The following ASCC1 variants were observed in gnomAD, a reference collection of about 807,000 sequenced individuals.
ASCC1 encodes activating signal cointegrator 1 complex subunit 1.
In ASCC1, 35 loss-of-function variants were observed where a neutral mutation model predicts 46.6. The ratio of observed to expected loss-of-function variants is 0.75; its 90% confidence interval spans 0.57 to 0.99. The LOEUF (loss-of-function observed/expected upper bound fraction) is 0.99, where lower values mean the gene tolerates loss of function less well. Ranked by LOEUF, ASCC1 falls within the 50% of genes least tolerant of loss-of-function variation. ASCC1 has a pLI of 0.00. For missense variants in ASCC1, 376 were observed against 428.7 expected, an observed-to-expected ratio of 0.88 and a Z score of 1.09; for synonymous variants, 143 against 146.6, an observed-to-expected ratio of 0.98 and a Z score of 0.18.
intron 7 of ASCC1, among the ~76,000 whole-genome samples, chr10:72,142,352 C>G (rs1214439819): frequency 6.6e-6 from 1 of 151,254 alleles, no homozygotes; most frequent in Non-Finnish European, 1.5e-5. Context: ...ATTGCCAAAT[C>G]CAGCAGATTT....
intron 5 of ASCC1, among the ~76,000 whole-genome samples, chr10:72,192,392 T>C (rs998262090): frequency 3.3e-5 from 5 of 149,664 alleles, no homozygotes; most frequent in Admixed American, 3.3e-4. Flanking sequence ...GAGGCGAAGG[T>C]TGCAGTGAGC....
intron 5 of ASCC1, chr10:72,190,300 A>T: frequency 1.2e-6 from 1 of 833,102 alleles, no homozygotes; most frequent in Non-Finnish European, 2.1e-6. Flanking sequence ...ATTTATATTT[A>T]GATCTATGAC....
At chr10:72,130,583 T>C (rs1015742598) in intron 8 of ASCC1, among the ~76,000 whole-genome samples, 5 of 152,170 alleles carry the variant, frequency 3.3e-5, no homozygotes, top group African/African-American at 4.8e-5. Context: ...TGATGGACCA[T>C]GACATAGTTT....
intron 8 of ASCC1, among the ~76,000 whole-genome samples, chr10:72,129,259 A>ACAAATAAATTGATAC (rs1232545035): frequency 6.6e-6 from 1 of 152,254 alleles, no homozygotes; most frequent in East Asian, 1.9e-4. Context: ...CAAAAGAACA[A>ACAAATAAATTGATAC]CAAATAAATT....
At chr10:72,164,302 T>C (rs903324688) in intron 5 of ASCC1, among the ~76,000 whole-genome samples, 1 of 152,188 alleles carries the variant, frequency 6.6e-6, no homozygotes, top group African/African-American at 2.4e-5. Flanking sequence ...TCTTTCTCCA[T>C]GCCCCATCCC....
chr10:72,111,250 G>A (rs1470610237), intron 9 of ASCC1, among the ~76,000 whole-genome samples: 1 of 152,152 alleles, frequency 6.6e-6, no homozygotes, highest in African/African-American at 2.4e-5. Context: ...CACTTTGCGG[G>A]GCCAAGGTGG....
chr10:72,172,414 CA>C (rs1041390323), intron 5 of ASCC1, among the ~76,000 whole-genome samples: 207 of 40,296 alleles, frequency 5.1e-3, no homozygotes, highest in African/African-American at 0.012. Flanking sequence ...AACTCAGTCT[CA>C]AAAAAAAAAA....
At chr10:72,102,697 G>A (rs1012850273) in intron 9 of ASCC1, among the ~76,000 whole-genome samples, 12 of 152,054 alleles carry the variant, frequency 7.9e-5, no homozygotes, top group Admixed American at 2.0e-4. Flanking sequence ...AAGATTGGCC[G>A]GATGTGGTGG....
chr10:72,197,734 C>T (rs1024966884), intron 4 of ASCC1, among the ~76,000 whole-genome samples: 4 of 151,156 alleles, frequency 2.6e-5, no homozygotes, highest in African/African-American at 9.7e-5. Context: ...GGCAAAACCC[C>T]ATCTCTACTA....
chr10:72,119,674 T>A (rs562811270), intron 9 of ASCC1, among the ~76,000 whole-genome samples: 25 of 150,464 alleles, frequency 1.7e-4, no homozygotes, highest in Admixed American at 1.1e-3. Context: ...ACCCAGTACA[T>A]CACGTCCAGA....
chr10:72,204,581 C>T (rs1225029233), intron 3 of ASCC1: 88 of 1,501,224 alleles, frequency 5.9e-5, no homozygotes, highest in Non-Finnish European at 7.1e-5. Flanking sequence ...AAGTTAAGAA[C>T]TCCTTGTCAT....
At chr10:72,117,661 T>C (rs1405308293) in intron 9 of ASCC1, among the ~76,000 whole-genome samples, 4 of 152,218 alleles carry the variant, frequency 2.6e-5, no homozygotes, top group Non-Finnish European at 4.4e-5. Flanking sequence ...TTCCAAATGA[T>C]TCTTCAGGAA....
At position 72,135,995 on chromosome 10, in the gene ASCC1, C is replaced by T. The variant is rs149616598; in HGVS notation, c.747-2814G>A. Among the ~76,000 whole-genome samples, 308 of 152,148 alleles carry T rather than the reference C, an allele frequency of 2.0e-3. 2 individuals are homozygous for T. The highest frequency in any genetic ancestry group is 6.1e-3 in the African/African-American group (255 of 41,510). On this transcript the variant is annotated intron_variant, in intron 7 of 9. Transcript: ENST00000672957. ...TCTTACTTGGTAAGCCATAGGAAAC[C>T]GAGGGTTGTTTTTTGTTGTTGTTGT...
At chr10:72,195,020 G>A (rs1855149933) in intron 5 of ASCC1, among the ~76,000 whole-genome samples, 1 of 151,910 alleles carries the variant, frequency 6.6e-6, no homozygotes, top group Non-Finnish European at 1.5e-5. Context: ...GGTATTACAG[G>A]TGTGAGCCAC....
rs527730746 is a variant in ASCC1, at chr10:72,112,340, C to T, written c.958-14890G>A. 5.2e-4 allele frequency among the ~76,000 whole-genome samples: 79 copies of T among 152,196 alleles called. 3 individuals carry two copies. The highest frequency in any genetic ancestry group is 4.2e-4 in the South Asian group (2 of 4,816). Reference sequence around the variant, plus strand: ...AACTGGACACAAAAGGACAAATGTACAATTCCACTTACATGAGGTACCTAG... The same window carrying T: ...AACTGGACACAAAAGGACAAATGTATAATTCCACTTACATGAGGTACCTAG... On this transcript the variant is annotated intron_variant, in intron 9 of 9. Transcript: ENST00000672957.
intron 8 of ASCC1, among the ~76,000 whole-genome samples, chr10:72,132,291 C>T (rs1376209747): frequency 6.6e-6 from 1 of 152,146 alleles, no homozygotes; most frequent in Non-Finnish European, 1.5e-5. Context: ...CTGCATATGG[C>T]TTGAATGTGT....
rs77040016 is a variant in ASCC1 at position 72,123,798 on chromosome 10, G to A, written c.957+4284C>T. Among the ~76,000 whole-genome samples, 976 of 152,248 alleles carry A rather than the reference G, an allele frequency of 6.4e-3. 7 individuals are homozygous for A. The highest frequency in any genetic ancestry group is 0.022 in the African/African-American group (931 of 41,538). ...TGCTTTCGTTCCCTTAGGACAGACTGACTAAAGAGTCTCCCGGGAGGAGCA... is the reference window on the plus strand; with the variant it reads ...TGCTTTCGTTCCCTTAGGACAGACTAACTAAAGAGTCTCCCGGGAGGAGCA... On this transcript the variant is annotated intron_variant, in intron 9 of 9. Coordinates refer to ENST00000672957, the MANE Select transcript of ASCC1 (RefSeq NM_001198800.3).
chr10:72,142,169 A>C (rs1847096826), intron 7 of ASCC1, among the ~76,000 whole-genome samples: 1 of 152,158 alleles, frequency 6.6e-6, no homozygotes, highest in African/African-American at 2.4e-5. Context: ...AAAAATATTA[A>C]ATTTTATCAA....
chr10:72,147,890 G>C (rs762103198), intron 7 of ASCC1, among the ~76,000 whole-genome samples: 1 of 152,190 alleles, frequency 6.6e-6, no homozygotes, highest in Non-Finnish European at 1.5e-5. Flanking sequence ...ACTTAGACCA[G>C]TGGTTCTTAC....
Sources: gnomAD v4.1 joint callset for allele counts (sites outside exome capture counted in the v4.1 genomes callset) on GRCh38, gnomAD v4.1.1 for gene constraint, MANE v1.5 for transcripts, NCBI Gene and HGNC (gene_info 2026-07-23, HGNC 2026-07-21) for gene names.